Variants in OPN3 observed in about 807,000 individuals in gnomAD.
OPN3 encodes the protein opsin 3.
In OPN3, 29 loss-of-function variants were observed where a neutral mutation model predicts 33.8. The ratio of observed to expected loss-of-function variants is 0.86; its 90% CI spans 0.64 to 1.17. OPN3 has a LOEUF of 1.17. Among genes scored for constraint, OPN3 ranks in the 50% most tolerant of loss-of-function variants. The pLI, the probability that OPN3 is intolerant of heterozygous loss-of-function variation, is 0.00. For synonymous variants in OPN3, 216 were observed against 216.1 expected (o/e 1.00, Z 0.00); for missense variants, 437 against 514.1 (o/e 0.85, Z 1.45).
Position 241,637,787 on chromosome 1 carries a change from T to A in OPN3, c.373+2095A>T, listed in dbSNP as rs1664955716. ...GACTTGAGAAAGCCCGCACAATGCATGAGTCGCAGGATAAGGAACAGGATC... is the reference window on the plus strand; with the variant it reads ...GACTTGAGAAAGCCCGCACAATGCAAGAGTCGCAGGATAAGGAACAGGATC... On this transcript the variant is annotated intron_variant, in intron 1 of 3. Transcript: ENST00000366554. Among the ~76,000 whole-genome samples, 2 of 152,178 alleles carry A rather than the reference T, an allele frequency of 1.3e-5. 1 individual carries two copies. The highest frequency in any genetic ancestry group is 1.3e-4 in the Admixed American group (2 of 15,286).
intron 1 of OPN3, chr1:241,630,816 T>A: frequency 6.6e-6 from 1 of 152,132 alleles, no homozygotes; most frequent in Non-Finnish European, 1.5e-5. Flanking sequence ...TATCTGTAAT[T>A]AATACTTTGG....
At chr1:241,594,752 C>T (rs1173780312) in intron 3 of OPN3, 61 bp from the exon 4 acceptor site, 4 of 1,557,930 alleles carry the variant, frequency 2.6e-6, no homozygotes, top group Non-Finnish European at 3.5e-6. Flanking sequence ...TCTGGATTAA[C>T]ATTCGAGGAA....
chr1:241,614,731 C>T (rs563243820), intron 1 of OPN3, among the ~76,000 whole-genome samples: 4 of 152,396 alleles, frequency 2.6e-5, no homozygotes, highest in South Asian at 4.1e-4. Flanking sequence ...GGCTTTTCTG[C>T]CTACAGTCCC....
At chr1:241,598,115 G>A (rs1459727579) in intron 2 of OPN3, 118 bp from the exon 3 acceptor site, 1 of 1,149,844 alleles carries the variant, frequency 8.7e-7, no homozygotes, top group Non-Finnish European at 1.2e-6. Flanking sequence ...AAAGAGAACT[G>A]AATGGCACCT....
intron 1 of OPN3, chr1:241,629,737 T>G (rs1217681968): frequency 6.6e-6 from 1 of 152,154 alleles, no homozygotes; most frequent in Non-Finnish European, 1.5e-5. Flanking sequence ...GAATATCACA[T>G]GTAAAGTGGA....
In OPN3 at chr1:241,602,983, A is replaced by G. The variant is rs75585864; in HGVS notation, c.693+1277T>C. The stretch of plus-strand genomic sequence containing the variant: ...TTGAGTTAGCAGTGACAAAATGGAG[A>G]AAAATAAAGTGATAGCTAGAGGGAG... On this transcript the variant is annotated intron_variant, in intron 2 of 3. Transcript: ENST00000366554. 5.3e-3 allele frequency among the ~76,000 whole-genome samples: 801 copies of G among 152,314 alleles called. 11 individuals carry two copies. Among genetic ancestry groups the G allele is most frequent in the African/African-American group, 0.019 (780 of 41,570 alleles).
At chr1:241,632,849 T>A (rs886837542) in intron 1 of OPN3, 1 of 152,068 alleles carries the variant, frequency 6.6e-6, no homozygotes, top group Non-Finnish European at 1.5e-5. Flanking sequence ...GTATCTGTAA[T>A]CTCAGGTTAA....
At chr1:241,604,119 T>G (rs1449806899) in intron 2 of OPN3, 141 bp downstream of exon 2, 10 of 687,376 alleles carry the variant, frequency 1.5e-5, no homozygotes, top group Admixed American at 8.2e-5. Context: ...AGCATAAAAT[T>G]CAACCAGATG....
At chr1:241,608,584 G>T (rs1663900624) in intron 1 of OPN3, among the ~76,000 whole-genome samples, 1 of 152,216 alleles carries the variant, frequency 6.6e-6, no homozygotes. Context: ...AGGCTGTCAG[G>T]AAAAGACCCA....
At chr1:241,634,508 G>A in intron 1 of OPN3, 1 of 1,613,826 alleles carries the variant, frequency 6.2e-7, no homozygotes, top group Non-Finnish European at 8.5e-7. Flanking sequence ...ATCTATAATT[G>A]CTTTACATCG....
chr1:241,628,830 A>C (rs1664502490), intron 1 of OPN3: 1 of 152,432 alleles, frequency 6.6e-6, no homozygotes, highest in Admixed American at 6.5e-5. Context: ...ACTTCTAAGA[A>C]ATCAGTAATT....
chr1:241,606,772 A>G (rs559557950), intron 1 of OPN3, among the ~76,000 whole-genome samples: 1 of 152,194 alleles, frequency 6.6e-6, no homozygotes, highest in East Asian at 1.9e-4. Context: ...AAGCAGTTCA[A>G]ATGAAGAATG....
Position 241,640,168 on chromosome 1 carries a change from T to C in OPN3, c.87A>G (p.Thr29=). ...AGAEGPAPAG[T]LSPAPLFSPG... ...GGCTGAAGAGGGGCGCGGGGCTCAGTGTCCCCGCCGGCGCCGGCCCCTCAG... is the reference window on the plus strand; with the variant it reads ...GGCTGAAGAGGGGCGCGGGGCTCAGCGTCCCCGCCGGCGCCGGCCCCTCAG... The change falls in exon 1 of 4, where the codon ACA becomes ACG. Residue 29 remains threonine, a synonymous_variant. Transcript: ENST00000366554. 1.4e-6 allele frequency: 2 copies of C among 1,445,442 alleles called. No individual in the cohort carries two copies. The highest frequency in any genetic ancestry group is 1.4e-5 in the South Asian group (1 of 69,494). 89.5% of individuals were successfully genotyped at this position (1,445,442 alleles called of 1,614,324 possible).
intron 1 of OPN3, among the ~76,000 whole-genome samples, chr1:241,636,325 A>G (rs1158178897): frequency 6.6e-6 from 1 of 152,270 alleles, no homozygotes; most frequent in Non-Finnish European, 1.5e-5. Context: ...AATAAAGAAG[A>G]AATAACATAA....
chr1:241,603,210 AAG>A (rs1663724700), intron 2 of OPN3, among the ~76,000 whole-genome samples: 1 of 152,174 alleles, frequency 6.6e-6, no homozygotes, highest in South Asian at 2.1e-4. Context: ...CCTGTAACTG[AAG>A]AGAGAGTCCT....
intron 1 of OPN3, chr1:241,630,062 TTC>T (rs1664567617): frequency 6.6e-6 from 1 of 152,120 alleles, no homozygotes; most frequent in Admixed American, 6.5e-5. Context: ...ATATTGGCAT[TTC>T]TTTGGATGTA....
At chr1:241,634,683 T>A in intron 1 of OPN3, 1 of 1,613,932 alleles carries the variant, frequency 6.2e-7, no homozygotes, top group Non-Finnish European at 8.5e-7. Context: ...TGAAGGAAGT[T>A]TTTAGTTGCG....
chr1:241,625,449 T>A (rs893922489), intron 1 of OPN3, among the ~76,000 whole-genome samples: 8 of 152,218 alleles, frequency 5.3e-5, no homozygotes, highest in Non-Finnish European at 8.8e-5. Flanking sequence ...ATAGAAAGAT[T>A]ACCTCTCATT....
At chr1:241,623,414 G>C (rs147487685) in intron 1 of OPN3, among the ~76,000 whole-genome samples, 126 of 152,192 alleles carry the variant, frequency 8.3e-4, no homozygotes, top group African/African-American at 2.7e-3. Context: ...GCCTCTCCTC[G>C]ATTCATCTTC....
Sources: gnomAD v4.1 joint callset for allele counts (sites outside exome capture counted in the v4.1 genomes callset) on GRCh38, gnomAD v4.1.1 for gene constraint, MANE v1.5 for transcripts, NCBI Gene and HGNC (gene_info 2026-07-23, HGNC 2026-07-21) for gene names.